Variants in TMEM253 observed in about 807,000 individuals in gnomAD.
TMEM253 encodes the protein transmembrane protein C14orf176.
In TMEM253, 22 loss-of-function variants were observed where a neutral mutation model predicts 20.3. The observed-to-expected ratio is 1.08, with a 90% confidence interval of 0.78 to 1.55. TMEM253 has a LOEUF of 1.55. Ranked by LOEUF, TMEM253 falls within the 40% of genes most tolerant of loss-of-function variation. The pLI is 0.00. For synonymous variants in TMEM253, 92 were observed against 102.6 expected, an observed-to-expected ratio of 0.90 and a Z score of 0.62; for missense variants, 251 against 266.1, an observed-to-expected ratio of 0.94 and a Z score of 0.39.
rs1278529654 is a variant in TMEM253, at chr14:21,102,516, G to C, written c.387+1G>C. On this transcript the variant is annotated splice_donor_variant, in intron 5 of 6. Coordinates refer to ENST00000556585, the Ensembl canonical transcript of TMEM253. LOFTEE classifies it high-confidence loss of function. ...GCCTGCCCCAACTGCCTCCTCCCAG[G>C]TACTGGTCAATGAAGGAGAAGGTGG... The C allele has an allele frequency of 1.9e-6, 3 of 1,551,774 alleles. No individual in the cohort carries two copies. The Admixed American group carries it at 5.9e-5, about 30-fold the overall frequency.
rs751024919 is a variant in TMEM253, at chr14:21,101,895, G to A, written c.139G>A (p.Val47Met). Residue 47 changes from valine (V) to methionine (M), a missense_variant, in exon 3 of 7, where the codon GTG (valine) becomes ATG (methionine). Physicochemically the swap from Val to Met is conservative, Grantham distance 21 (BLOSUM62 1). Transcript: ENST00000556585. ...CCAGCTATGGCTGGCAGTGGTTGTG[G>A]TGCCCCTTGCTGTCTCAGTCGCCTG... is the stretch of plus-strand genomic sequence containing the variant. 130 of 1,551,404 alleles carry A rather than the reference G, an allele frequency of 8.4e-5. No homozygotes were observed. Among genetic ancestry groups the A allele is most frequent in the Non-Finnish European group, 1.1e-4 (124 of 1,146,990 alleles).
intron 2 of TMEM253, 56 bp from the exon 3 acceptor site, chr14:21,101,809 G>A (rs1053903301): frequency 3.6e-5 from 51 of 1,407,614 alleles, no homozygotes; most frequent in South Asian, 2.3e-4. Flanking sequence ...TAGGAGTTAC[G>A]AGAAGGGAGG....
chr14:21,099,963 A>G (rs1889532063), upstream of TMEM253, among the ~76,000 whole-genome samples: 1 of 152,196 alleles, frequency 6.6e-6, no homozygotes, highest in African/African-American at 2.4e-5. Flanking sequence ...CCTCATCAGC[A>G]CCACTAATAG....
At chr14:21,101,212 C>A (rs550584769) in intron 1 of TMEM253, 28 bp downstream of exon 1, 2 of 814,438 alleles carry the variant, frequency 2.5e-6, no homozygotes, top group African/African-American at 1.7e-5. Flanking sequence ...GACCTCAAAT[C>A]CCTGGATATT....
At chr14:21,100,813 G>A (rs1889586385), upstream of TMEM253, among the ~76,000 whole-genome samples, 1 of 152,186 alleles carries the variant, frequency 6.6e-6, no homozygotes. Context: ...ATAATTTGAG[G>A]AGGAAGCCAA....
chr14:21,103,304 G>A (rs1009607226), exon 7 of TMEM253: 1 of 1,531,374 alleles, frequency 6.5e-7, no homozygotes, highest in Non-Finnish European at 8.8e-7. Flanking sequence ...ACCAAACTCA[G>A]AAGCTTGCTG....
At chr14:21,102,922 T>C in intron 6 of TMEM253, 143 bp downstream of exon 6, 1 of 1,386,412 alleles carries the variant, frequency 7.2e-7, no homozygotes, top group Non-Finnish European at 9.6e-7. Flanking sequence ...TGGCTTTCTC[T>C]GGCTTTGAAC....
chr14:21,101,218 A>G lies in TMEM253; in HGVS notation c.-37+34A>G, dbSNP rs1451340645. On this transcript the variant is annotated intron_variant, in intron 1 of 6. Coordinates refer to ENST00000556585, the Ensembl canonical transcript of TMEM253. ...GAGGACCTGGACCTCAAATCCCTGGATATTGGGAGTGGGCAGAGGTGTAGC... is the reference window on the plus strand; with the variant it reads ...GAGGACCTGGACCTCAAATCCCTGGGTATTGGGAGTGGGCAGAGGTGTAGC... 6 of 846,440 alleles carry G rather than the reference A, an allele frequency of 7.1e-6. No homozygotes were observed. In the East Asian group the frequency reaches 1.7e-4, roughly 24 times the overall value. 52.4% of individuals were successfully genotyped at this position (846,440 alleles called of 1,614,324 possible). A position where few individuals can be genotyped will look rare whatever the true frequency, so the allele number is the denominator to read the frequency against.
chr14:21,101,475 A>G, intron 2 of TMEM253, 24 bp downstream of exon 2: 1 of 1,540,398 alleles, frequency 6.5e-7, no homozygotes, highest in Non-Finnish European at 8.8e-7. Context: ...ACCCCATCCC[A>G]GGTCTCAGCA....
At chr14:21,101,924 G>A in exon 3 of TMEM253, 3 of 1,551,598 alleles carry the variant, frequency 1.9e-6, no homozygotes, top group Non-Finnish European at 2.6e-6. Context: ...TCGCCTGCCT[G>A]AACTCTGATT....
At chr14:21,103,231 G>A in exon 7 of TMEM253, 1 of 1,551,646 alleles carries the variant, frequency 6.4e-7, no homozygotes, top group Non-Finnish European at 8.7e-7. Context: ...AGCGGGAACA[G>A]ACACGTGCTG....
rs183259006 is a variant in TMEM253, at chr14:21,102,098, G to A, written c.254G>A (p.Arg85His). The change falls in exon 4 of 7, where the codon CGC (arginine) becomes CAC (histidine). Residue 85 changes from arginine (R) to histidine (H), a missense_variant. Arg to His is a conservative substitution (Grantham distance 29, BLOSUM62 0). Coordinates refer to ENST00000556585, the Ensembl canonical transcript of TMEM253. ...ACTGGGACTGTCACTCTGGAGCTTC[G>A]CAGAGCACCCCGCCTTTGGAAGGTG... is the stretch of plus-strand genomic sequence containing the variant. 1,653 of 1,550,888 alleles carry A rather than the reference G, an allele frequency of 1.1e-3. 4 individuals carry two copies. The highest frequency in any genetic ancestry group is 1.8e-3 in the Admixed American group (90 of 50,964).
chr14:21,101,709 A>C, intron 2 of TMEM253, 156 bp from the exon 3 acceptor site: 1 of 676,286 alleles, frequency 1.5e-6, no homozygotes, highest in Non-Finnish European at 2.5e-6. Context: ...AAATTAAATG[A>C]TACTTAATTT....
At chr14:21,102,536 A>T (rs563057678) in intron 5 of TMEM253, 21 bp downstream of exon 5, 4 of 1,551,730 alleles carry the variant, frequency 2.6e-6, no homozygotes, top group Non-Finnish European at 3.5e-6. Flanking sequence ...ATGAAGGAGA[A>T]GGTGGGAGGA....
At chr14:21,102,354 G>T in intron 4 of TMEM253, 51 bp from the exon 5 acceptor site, 1 of 1,541,006 alleles carries the variant, frequency 6.5e-7, no homozygotes, top group Non-Finnish European at 8.8e-7. Flanking sequence ...TGGGGATTGA[G>T]GTTGGAATGA....
chr14:21,099,373 G>A (rs1270728902), upstream of TMEM253, among the ~76,000 whole-genome samples: 1 of 152,216 alleles, frequency 6.6e-6, no homozygotes, highest in Non-Finnish European at 1.5e-5. Flanking sequence ...GGGATCCTCA[G>A]TGCAAGCCCA....
rs1042073637 is a variant in TMEM253, at chr14:21,103,286, C to T, written c.*28C>T. 31 of 1,542,498 alleles carry T rather than the reference C, an allele frequency of 2.0e-5. No homozygotes were observed. In the African/African-American group the frequency reaches 3.4e-4, roughly 17 times the overall value. The stretch of plus-strand genomic sequence containing the variant: ...GAATGCTCTCCAGACATTCCTGCAT[C>T]CCACCCCACCAAACTCAGAAGCTTG... On this transcript the variant is annotated 3_prime_UTR_variant, in exon 7 of 7. Coordinates refer to ENST00000556585, the Ensembl canonical transcript of TMEM253.
intron 5 of TMEM253, 36 bp from the exon 6 acceptor site, chr14:21,102,597 C>T (rs761579634): frequency 1.7e-5 from 27 of 1,550,748 alleles, no homozygotes; most frequent in Middle Eastern, 1.7e-4. Flanking sequence ...CAAACAGGTG[C>T]GGGGTCCCTG....
At chr14:21,103,493 C>T (rs937424325) in exon 7 of TMEM253, 1 of 574,858 alleles carries the variant, frequency 1.7e-6, no homozygotes, top group Admixed American at 3.5e-5. Flanking sequence ...CTGTCACCTC[C>T]CCATACAGCT....
Sources: allele counts gnomAD v4.1 joint callset (sites outside exome capture counted in the v4.1 genomes callset), GRCh38; gene constraint gnomAD v4.1.1; transcripts MANE v1.5; gene names NCBI Gene and HGNC (gene_info 2026-07-23, HGNC 2026-07-21).